Variants in CTCFL observed in about 807,000 individuals in gnomAD.
CTCFL encodes the protein transcriptional repressor CTCFL.
Under a neutral mutation model 67.4 loss-of-function variants are expected in CTCFL, and 36 were observed. That is an observed-to-expected ratio of 0.53 (90% CI 0.41 to 0.71). CTCFL has a LOEUF of 0.71. Among genes scored for constraint, CTCFL ranks in the 30% least tolerant of loss-of-function variants. The pLI is 0.00. For missense variants in CTCFL, 786 were observed against 835.2 expected, an observed-to-expected ratio of 0.94 and a Z score of 0.73; for synonymous variants, 324 against 302.3, an observed-to-expected ratio of 1.07 and a Z score of -0.75.
intron 6 of CTCFL, 66 bp from the exon 7 acceptor site, chr20:57,514,807 G>T: frequency 1.4e-6 from 2 of 1,446,360 alleles, no homozygotes; most frequent in Non-Finnish European, 9.2e-7. Context: ...CACCTGTGCT[G>T]AAAGTGTTTT....
At chr20:57,517,913 C>T (rs2069048304) in intron 5 of CTCFL, among the ~76,000 whole-genome samples, 1 of 152,192 alleles carries the variant, frequency 6.6e-6, no homozygotes, top group African/African-American at 2.4e-5. Context: ...TCTCATACTA[C>T]AATCACAACC....
intron 10 of CTCFL, 75 bp downstream of exon 10, chr20:57,503,361 A>C (rs1986327781): frequency 1.3e-6 from 2 of 1,555,364 alleles, no homozygotes; most frequent in Non-Finnish European, 1.8e-6. Flanking sequence ...CCTGGACAGT[A>C]ACACTCGGCA....
chr20:57,521,165 C>T (rs2146444928), intron 3 of CTCFL, among the ~76,000 whole-genome samples: 1 of 152,310 alleles, frequency 6.6e-6, no homozygotes, highest in Non-Finnish European at 1.5e-5. Flanking sequence ...AGGTATGTTT[C>T]TGTTGTTTGA....
At position 57,523,703 on chromosome 20, in the gene CTCFL, T is replaced by A. The variant is rs767256851; in HGVS notation, c.503A>T (p.Lys168Met). The A allele has an allele frequency of 1.2e-6, 2 of 1,613,474 alleles. No homozygotes were observed. Among genetic ancestry groups the A allele is most frequent in the African/African-American group, 2.7e-5 (2 of 74,944 alleles). ...AGTTTCAGCCAGGCTCACCGCTAAC[T>A]TACTGTCTTCACTGGCCACCATCAC... ...ENVMVASEDS[K>M]LAVSLAETTG... Residue 168 changes from lysine to methionine, a missense_variant, in exon 2 of 11, where the codon AAG becomes ATG. Lys to Met is a moderately conservative substitution (Grantham distance 95). This residue lies in a region of CTCFL where 333 missense variants were observed against 304.6 expected (regional missense o/e 1.09). Transcript: ENST00000243914.
At chr20:57,514,520 G>A in intron 7 of CTCFL, 72 bp downstream of exon 7, 1 of 1,558,148 alleles carries the variant, frequency 6.4e-7, no homozygotes, top group South Asian at 1.2e-5. Context: ...CCAGTACTTT[G>A]CAGGTTTATA....
intron 6 of CTCFL, 55 bp downstream of exon 6, chr20:57,515,659 C>T (rs1367353462): frequency 6.2e-7 from 1 of 1,608,112 alleles, no homozygotes; most frequent in Admixed American, 1.7e-5. Context: ...TTTTTTAAAG[C>T]TTGCTTTAAG....
intron 10 of CTCFL, chr20:57,500,248 T>A: frequency 9.8e-7 from 1 of 1,019,768 alleles, no homozygotes. Context: ...GCAGATCACT[T>A]GAGGTCAGGA....
intron 3 of CTCFL, among the ~76,000 whole-genome samples, chr20:57,521,108 C>T (rs1450845275): frequency 6.6e-6 from 1 of 152,224 alleles, no homozygotes; most frequent in Non-Finnish European, 1.5e-5. Context: ...GAGAGCATGG[C>T]TTTGCCAACA....
chr20:57,512,091 C>T (rs1373141179), intron 8 of CTCFL, among the ~76,000 whole-genome samples: 1 of 152,268 alleles, frequency 6.6e-6, no homozygotes, highest in East Asian at 1.9e-4. Context: ...GGCTTCTCAT[C>T]TCATCACAAA....
At chr20:57,496,264 G>GC (rs1568843123), downstream of CTCFL, 1 of 687,336 alleles carries the variant, frequency 1.5e-6, no homozygotes, top group Non-Finnish European at 2.7e-6. Flanking sequence ...CATGTGACGC[G>GC]CCTACTCCCT....
chr20:57,504,672 G>A (rs1282346884), intron 9 of CTCFL, among the ~76,000 whole-genome samples: 1 of 151,892 alleles, frequency 6.6e-6, no homozygotes, highest in Non-Finnish European at 1.5e-5. Context: ...CTAAGATAAG[G>A]AGGACCTGGG....
chr20:57,499,388 G>A (rs2067806757), intron 10 of CTCFL, among the ~76,000 whole-genome samples: 1 of 152,128 alleles, frequency 6.6e-6, no homozygotes, highest in African/African-American at 2.4e-5. Context: ...CAGCAGCTCA[G>A]GAGCCAGTCT....
intron 9 of CTCFL, 65 bp downstream of exon 9, chr20:57,508,541 A>G (rs761124697): frequency 2.8e-4 from 427 of 1,500,652 alleles, no homozygotes; most frequent in Non-Finnish European, 3.8e-4. Context: ...TCCTGGTGTG[A>G]CACTGTCCTC....
intron 8 of CTCFL, among the ~76,000 whole-genome samples, chr20:57,512,350 A>G (rs942089680): frequency 7.2e-5 from 11 of 152,234 alleles, no homozygotes; most frequent in African/African-American, 2.7e-4. Flanking sequence ...TTCCATTATC[A>G]TAACAAAGGC....
chr20:57,522,301 G>A (rs1429883633), intron 3 of CTCFL, among the ~76,000 whole-genome samples: 1 of 152,182 alleles, frequency 6.6e-6, no homozygotes, highest in Non-Finnish European at 1.5e-5. Context: ...AGTGTTGCCA[G>A]ATATAATTTA....
intron 8 of CTCFL, among the ~76,000 whole-genome samples, chr20:57,510,838 A>G (rs959631594): frequency 1.3e-5 from 2 of 152,236 alleles, no homozygotes; most frequent in Admixed American, 6.5e-5. Flanking sequence ...CCTGGGCAAC[A>G]GAGTGAGACT....
At position 57,508,668 on chromosome 20, in the gene CTCFL, C is replaced by G; in HGVS notation, c.1612G>C (p.Asp538His). The change falls in exon 9 of 11, where the codon GAT becomes CAT. Residue 538 changes from aspartate (D) to histidine (H), a missense_variant. This residue lies in a region of CTCFL where 199 missense variants were observed against 196.7 expected (regional missense o/e 1.01). Transcript: ENST00000243914. ...LLNAHFRKYH[D>H]ANFIPTVYKC... ...TAAACAGTCGGGATGAAATTTGCAT[C>G]GTGGTATTTCCTGAAGTGAGCGTTT... is the stretch of plus-strand genomic sequence containing the variant. 1 of 1,614,112 alleles carries G rather than the reference C, an allele frequency of 6.2e-7. No homozygotes were observed. The highest frequency in any genetic ancestry group is 8.5e-7 in the Non-Finnish European group (1 of 1,180,028).
At chr20:57,498,878 C>T (rs1175530091) in intron 10 of CTCFL, among the ~76,000 whole-genome samples, 177 bp from the exon 11 acceptor site, 1 of 152,180 alleles carries the variant, frequency 6.6e-6, no homozygotes, top group Non-Finnish European at 1.5e-5. Flanking sequence ...TGCCTTCAGT[C>T]AGGGCTTCTT....
intron 6 of CTCFL, 26 bp downstream of exon 6, chr20:57,515,688 C>A: frequency 6.2e-7 from 1 of 1,614,064 alleles, no homozygotes; most frequent in South Asian, 1.1e-5. Context: ...CTGTAGGTAT[C>A]AGGCCTTCAG....
Sources: gnomAD v4.1 joint callset for allele counts (sites outside exome capture counted in the v4.1 genomes callset) on GRCh38, gnomAD v4.1.1 for gene constraint, gnomAD v4.1.1 regional missense constraint, MANE v1.5 for transcripts, NCBI Gene and HGNC (gene_info 2026-07-23, HGNC 2026-07-21) for gene names.